SETD5: variants seen among roughly 807,000 people sequenced by gnomAD.
SETD5 encodes the protein SET domain containing 5, also known as histone-lysine N-methyltransferase SETD5.
Under a neutral mutation model 153.3 loss-of-function variants are expected in SETD5, and 44 were observed. That is an observed-to-expected ratio of 0.29 (90% CI 0.23 to 0.37). The LOEUF is 0.37. Among genes scored for constraint, SETD5 ranks in the 10% least tolerant of loss-of-function variants. SETD5 has a pLI of 1.00. For synonymous variants in SETD5, 716 were observed against 645.2 expected, an observed-to-expected ratio of 1.11 and a Z score of -1.66; for missense variants, 1,544 against 1,768.0, an observed-to-expected ratio of 0.87 and a Z score of 2.27.
chr3:9,468,229 C>T (rs992854022), intron 18 of SETD5, among the ~76,000 whole-genome samples: 3 of 151,980 alleles, frequency 2.0e-5, no homozygotes, highest in African/African-American at 7.3e-5. Context: ...TAAAATTTCA[C>T]CAGTCTAACT....
intron 15 of SETD5, 80 bp from the exon 16 acceptor site, chr3:9,448,308 A>G (rs1180341410): frequency 3.3e-6 from 5 of 1,531,616 alleles, no homozygotes; most frequent in Non-Finnish European, 4.4e-6. Context: ...CTCCTGTCCT[A>G]GTTTCTAGAT....
At position 9,470,571 on chromosome 3, in the gene SETD5, C is replaced by T. The variant is rs936256673; in HGVS notation, c.2837C>T (p.Pro946Leu). ...AACTCAGGTCATTCTGACCTGGCTC[C>T]TCATCCCTCCCTCGGACCCACTTCT... The part of the protein sequence containing the change: ...LLNSGHSDLA[P>L]HPSLGPTSET... The change falls in exon 19 of 23, where the codon CCT (proline) becomes CTT (leucine). Residue 946 changes from proline to leucine, a missense_variant. Transcript: ENST00000402198. 1 of 1,614,030 alleles carries T rather than the reference C, an allele frequency of 6.2e-7. No individual in the cohort carries two copies. Among genetic ancestry groups the T allele is most frequent in the Non-Finnish European group, 8.5e-7 (1 of 1,179,890 alleles).
At chr3:9,440,024 A>G (rs184699692) in intron 7 of SETD5, among the ~76,000 whole-genome samples, 29 of 152,336 alleles carry the variant, frequency 1.9e-4, no homozygotes, top group Admixed American at 1.6e-3. Flanking sequence ...TTGGGCTAAC[A>G]CTTAACACAG....
Position 9,441,724 on chromosome 3 carries a change from T to C in SETD5, c.942T>C (p.Asn314=). Residue 314 remains asparagine (N), a synonymous_variant, in exon 9 of 23, where the codon AAT becomes AAC. Coordinates refer to ENST00000402198, the MANE Select transcript of SETD5 (RefSeq NM_001080517.3). ...KVMLRQQFEV[N]GHFFKKPYPF... ...TGTTACGACAGCAATTTGAGGTCAA[T>C]GGGCATTTCTTCAAAAAGTAAGAAC... 6.2e-7 allele frequency: 1 copy of C among 1,613,976 alleles called. No individual in the cohort carries two copies. The highest frequency in any genetic ancestry group is 8.5e-7 in the Non-Finnish European group (1 of 1,179,868).
chr3:9,413,927 G>A (rs932988114), intron 1 of SETD5, among the ~76,000 whole-genome samples: 23 of 151,864 alleles, frequency 1.5e-4, no homozygotes, highest in Admixed American at 8.5e-4. Flanking sequence ...GCAGGCGCGC[G>A]CCACCACGCC....
At chr3:9,408,214 G>A (rs1222964019) in intron 1 of SETD5, among the ~76,000 whole-genome samples, 1 of 152,124 alleles carries the variant, frequency 6.6e-6, no homozygotes, top group Non-Finnish European at 1.5e-5. Flanking sequence ...TTTCTTGATA[G>A]AGCTCTTCTT....
intron 19 of SETD5, among the ~76,000 whole-genome samples, chr3:9,472,801 A>T (rs767728383): frequency 5.3e-5 from 8 of 151,976 alleles, no homozygotes; most frequent in Non-Finnish European, 1.2e-4. Flanking sequence ...GTTCCCAAGG[A>T]GTACAGAACA....
intron 17 of SETD5, among the ~76,000 whole-genome samples, chr3:9,456,480 T>TAAAA (rs369657820): frequency 3.3e-5 from 4 of 121,790 alleles, no homozygotes; most frequent in Non-Finnish European, 3.6e-5. Flanking sequence ...CTTTAAAACT[T>TAAAA]AAAAAAAAAA....
In SETD5 at chr3:9,453,746, T is replaced by C. The variant is rs1434450419; in HGVS notation, c.2354T>C (p.Ile785Thr). ...GGTTCTTTTCAATTATAGCGCTGGA[T>C]AAAACAAGCCTTAGAAGAAGGGATG... Reference protein sequence around the residue: ...GTFSSCKKRWIKQALEEGMTQ... With the variant: ...GTFSSCKKRWTKQALEEGMTQ... The change falls in exon 17 of 23, where the codon ATA becomes ACA. Residue 785 changes from isoleucine to threonine, a missense_variant. By Grantham distance (89) the Ile-to-Thr change is moderately conservative. This residue lies in a region of SETD5 where 782 missense variants were observed against 787.2 expected (regional missense o/e 0.99). Transcript: ENST00000402198. 5.0e-6 allele frequency: 8 copies of C among 1,593,226 alleles called. No individual in the cohort carries two copies. Among genetic ancestry groups the C allele is most frequent in the Non-Finnish European group, 6.8e-6 (8 of 1,174,624 alleles).
chr3:9,434,164 G>T lies in SETD5; in HGVS notation c.178-170G>T. On this transcript the variant is annotated intron_variant, in intron 4 of 22. Transcript: ENST00000402198. The surrounding 1 kb of genome is among the most constrained non-coding windows in gnomAD (Gnocchi z 5.6). Reference sequence around the variant, plus strand: ...ATTTTGTTTTATCACTTTCCTGGTTGAAGCCAAAAAACAAAGGGTACTACT... The same window carrying T: ...ATTTTGTTTTATCACTTTCCTGGTTTAAGCCAAAAAACAAAGGGTACTACT... 6.5e-7 allele frequency: 1 copy of T among 1,548,884 alleles called. No homozygotes were observed. The highest frequency in any genetic ancestry group is 1.2e-5 in the South Asian group (1 of 84,190).
Position 9,464,655 on chromosome 3 carries a change from A to G in SETD5, c.2707A>G (p.Thr903Ala). 1 of 1,613,646 alleles carries G rather than the reference A, an allele frequency of 6.2e-7. No homozygotes were observed. The highest frequency in any genetic ancestry group is 2.2e-5 in the East Asian group (1 of 44,858). The change falls in exon 18 of 23, where the codon ACT becomes GCT. Residue 903 changes from threonine to alanine, a missense_variant. Physicochemically the swap from Thr to Ala is moderately conservative, Grantham distance 58. This residue lies in a region of SETD5 where 782 missense variants were observed against 787.2 expected (regional missense o/e 0.99). Coordinates refer to ENST00000402198, the MANE Select transcript of SETD5 (RefSeq NM_001080517.3). ...TCTTACTACTGCTAGTCGCTGCAAC[A>G]CTCCTCTACAGTTTGAGGTGATTTG... ...TSLTTASRCN[T>A]PLQFELCHRK...
In SETD5 at chr3:9,397,654, C is replaced by CGCT. The variant is rs1276922324; in HGVS notation, c.-498_-497insTGC. The stretch of plus-strand genomic sequence containing the variant: ...TCGGGCAGCGGGCTGAGTGAGCTGC[C>CGCT]GCCGCCGCCGCCGCCGCCGCCGCCG... On this transcript the variant is annotated 5_prime_UTR_variant, in exon 1 of 23. Transcript: ENST00000402198. 5 of 8,970 alleles carry CGCT rather than the reference C, an allele frequency of 5.6e-4. No individual in the cohort carries two copies. The highest frequency in any genetic ancestry group is 2.5e-3 in the Non-Finnish European group (4 of 1,572). The allele number at this position is 8,970 out of a possible 1,614,324, so 0.6% of individuals were successfully genotyped here. A position where few individuals can be genotyped will look rare whatever the true frequency, so the allele number is the denominator to read the frequency against.
intron 1 of SETD5, among the ~76,000 whole-genome samples, chr3:9,403,440 G>A (rs1226759731): frequency 1.3e-5 from 2 of 152,166 alleles, no homozygotes; most frequent in African/African-American, 4.8e-5. Context: ...TTTGGGTTGG[G>A]ATTGGACCTG....
chr3:9,445,854 A>C, intron 13 of SETD5, 114 bp downstream of exon 13: 2 of 580,486 alleles, frequency 3.4e-6, no homozygotes, highest in Non-Finnish European at 5.4e-6. Context: ...TGAAGGTTAT[A>C]ATTTGGGCTT....
At chr3:9,445,418 C>A in intron 12 of SETD5, 118 bp downstream of exon 12, 1 of 1,125,464 alleles carries the variant, frequency 8.9e-7, no homozygotes, top group Non-Finnish European at 1.3e-6. Context: ...CCCTTTATAT[C>A]AATGTGGGTT....
In SETD5 at chr3:9,434,627, C is replaced by G. The variant is rs2125098562; in HGVS notation, c.329+142C>G. 3 of 1,481,816 alleles carry G rather than the reference C, an allele frequency of 2.0e-6. No individual in the cohort carries two copies. 91.8% of individuals were successfully genotyped at this position (1,481,816 alleles called of 1,614,324 possible). A position where few individuals can be genotyped will look rare whatever the true frequency, so the allele number is the denominator to read the frequency against. Reference sequence around the variant, plus strand: ...TGCTCCTTGGCTCGAATTCTCTGCACTAGGTGAGAATTGCTGACAACAAGG... The same window carrying G: ...TGCTCCTTGGCTCGAATTCTCTGCAGTAGGTGAGAATTGCTGACAACAAGG... On this transcript the variant is annotated intron_variant, in intron 5 of 22. Transcript: ENST00000402198. This position sits in a 1 kb window ranked among gnomAD's most constrained non-coding sequence, Gnocchi z 5.6.
At chr3:9,416,543 A>G (rs953290302) in intron 1 of SETD5, among the ~76,000 whole-genome samples, 2 of 152,230 alleles carry the variant, frequency 1.3e-5, no homozygotes, top group Admixed American at 6.5e-5. Flanking sequence ...TCAATGATTA[A>G]GACTTTTTTT....
At chr3:9,445,601 C>G (rs771071003) in intron 12 of SETD5, 56 bp from the exon 13 acceptor site, 12 of 1,469,508 alleles carry the variant, frequency 8.2e-6, no homozygotes, top group Non-Finnish European at 1.0e-5. Context: ...CAGAATAAAA[C>G]AGATTGATTT....
chr3:9,427,301 C>A (rs1261610772), intron 2 of SETD5, among the ~76,000 whole-genome samples: 1 of 152,202 alleles, frequency 6.6e-6, no homozygotes, highest in African/African-American at 2.4e-5. Flanking sequence ...ATAGTCCTAG[C>A]ACTTTGAGAG....
Sources: allele counts gnomAD v4.1 joint callset (sites outside exome capture counted in the v4.1 genomes callset), GRCh38; gene constraint gnomAD v4.1.1; regional missense constraint gnomAD v4.1.1; non-coding constraint Gnocchi (gnomAD v3.1); transcripts MANE v1.5; gene names NCBI Gene and HGNC (gene_info 2026-07-23, HGNC 2026-07-21).